The following ANK3 variants were observed in gnomAD, a reference collection of about 807,000 sequenced individuals.
ANK3 encodes ankyrin 3.
ANK3 carries 57 observed loss-of-function variants against 370.9 expected under a neutral mutation model. That is an observed-to-expected ratio of 0.15 (90% CI 0.12 to 0.19). The LOEUF is 0.19. ANK3 is among the 10% of genes least tolerant of loss of function. ANK3 has a pLI of 1.00. For missense variants in ANK3, 4,439 were observed against 5,302.1 expected, an observed-to-expected ratio of 0.84 and a Z score of 5.06; for synonymous variants, 1,929 against 1,946.3, an observed-to-expected ratio of 0.99 and a Z score of 0.23.
intron 1 of ANK3, among the ~76,000 whole-genome samples, chr10:60,377,165 C>T (rs2060898855): frequency 6.6e-6 from 1 of 152,172 alleles, no homozygotes; most frequent in African/African-American, 2.4e-5. Flanking sequence ...AGAGGGACAG[C>T]AGGTCCTTGC....
At chr10:60,545,544 G>C (rs2076944973) in intron 2 of ANK3, among the ~76,000 whole-genome samples, 1 of 151,422 alleles carries the variant, frequency 6.6e-6, no homozygotes, top group Non-Finnish European at 1.5e-5. Context: ...AAAAATTCTA[G>C]AAGCCTTCAA....
chr10:60,034,962 CT>C (rs1196444881), intron 43 of ANK3, among the ~76,000 whole-genome samples: 1 of 151,970 alleles, frequency 6.6e-6, no homozygotes, highest in African/African-American at 2.4e-5. Flanking sequence ...ATAAGTAGGG[CT>C]TTTTTGATTG....
intron 1 of ANK3, among the ~76,000 whole-genome samples, chr10:60,705,375 C>A (rs1369501477): frequency 6.6e-6 from 1 of 152,128 alleles, no homozygotes; most frequent in Non-Finnish European, 1.5e-5. Flanking sequence ...GTAACAGACA[C>A]TATATGATTT....
intron 1 of ANK3, among the ~76,000 whole-genome samples, chr10:60,640,072 G>T (rs569402270): frequency 6.6e-6 from 1 of 152,040 alleles, no homozygotes; most frequent in Non-Finnish European, 1.5e-5. Flanking sequence ...AAATTCATAT[G>T]AGAAAAGTAG....
chr10:60,615,170 T>G, intron 2 of ANK3: 5 of 1,479,046 alleles, frequency 3.4e-6, no homozygotes, highest in Non-Finnish European at 4.5e-6. Flanking sequence ...TTGAGTTTAG[T>G]GATAATTTTC....
At chr10:60,095,465 T>C (rs2089909987) in intron 28 of ANK3, among the ~76,000 whole-genome samples, 1 of 152,242 alleles carries the variant, frequency 6.6e-6, no homozygotes, top group South Asian at 2.1e-4. Context: ...ATTCCAGCCT[T>C]GAACTTCTGG....
At chr10:60,464,461 C>T (rs965663355) in intron 2 of ANK3, among the ~76,000 whole-genome samples, 2 of 152,028 alleles carry the variant, frequency 1.3e-5, no homozygotes, top group African/African-American at 4.8e-5. Context: ...TTCACAAAGC[C>T]TTGTCTGTGG....
chr10:60,362,523 T>G lies in ANK3; in HGVS notation c.114+26902A>C, dbSNP rs144745899. On this transcript the variant is annotated intron_variant, in intron 1 of 43. Transcript: ENST00000280772. ...AGCTTACTGTCCCAAATGAGAATAC[T>G]TCTATCGCACGTGAGCCTGCAGGGG... is the stretch of plus-strand genomic sequence containing the variant. 4.4e-3 allele frequency among the ~76,000 whole-genome samples: 669 copies of G among 152,308 alleles called. 4 individuals are homozygous for G. The highest frequency in any genetic ancestry group is 0.037 in the Middle Eastern group (11 of 294).
At chr10:60,273,499 C>A (rs918018215) in intron 4 of ANK3, among the ~76,000 whole-genome samples, 1 of 152,148 alleles carries the variant, frequency 6.6e-6, no homozygotes, top group Non-Finnish European at 1.5e-5. Context: ...TTAGTGATCA[C>A]TCCCCATTTC....
intron 1 of ANK3, among the ~76,000 whole-genome samples, chr10:60,726,827 A>T (rs887863452): frequency 4.6e-5 from 7 of 152,028 alleles, no homozygotes; most frequent in Non-Finnish European, 1.0e-4. Context: ...GTTTTTAAAA[A>T]CTTGTTTTCC....
rs143848101 is a variant in ANK3 at position 60,289,402 on chromosome 10, C to T, written c.115-9763G>A. ...TTCTCCCCTCCCCCTTTCTCTTTCT[C>T]TCTCCCTCCCTCCTTCTTTCTTTTT... On this transcript the variant is annotated intron_variant, in intron 1 of 43. Coordinates refer to ENST00000280772, the MANE Select transcript of ANK3 (RefSeq NM_020987.5). Among the ~76,000 whole-genome samples the T allele has an allele frequency of 4.1e-3, 625 of 151,098 alleles. 3 individuals carry two copies. The highest frequency in any genetic ancestry group is 6.6e-3 in the Non-Finnish European group (450 of 67,808).
chr10:60,312,511 A>G (rs987910110), intron 1 of ANK3, among the ~76,000 whole-genome samples: 2 of 152,142 alleles, frequency 1.3e-5, no homozygotes, highest in African/African-American at 2.4e-5. Context: ...CCTCTTACCT[A>G]TGGACATTGT....
At position 60,719,282 on chromosome 10, in the gene ANK3, TACAA is replaced by T. The variant is rs2079831288; in HGVS notation, c.57+13977_57+13980del. ...TAGTTTGTTTCTGGTCTTTTTGCTTTACAAACACTGTTGTAATAAGCATCCTTGT... is the reference window on the plus strand; with the variant it reads ...TAGTTTGTTTCTGGTCTTTTTGCTTTACACTGTTGTAATAAGCATCCTTGT... On this transcript the variant is annotated intron_variant, in intron 1 of 43. Coordinates refer to the ANK3 transcript ENST00000373827. Among the ~76,000 whole-genome samples the T allele has an allele frequency of 2.6e-5, 4 of 152,184 alleles. No homozygotes were observed. In the South Asian group the frequency reaches 8.3e-4, roughly 31 times the overall value.
chr10:60,416,657 G>A (rs1193392911), intron 2 of ANK3, among the ~76,000 whole-genome samples: 3 of 152,150 alleles, frequency 2.0e-5, no homozygotes, highest in Non-Finnish European at 4.4e-5. Flanking sequence ...CTATTTACAT[G>A]TATTAACATT....
rs991411680 is a variant in ANK3 at position 60,300,501 on chromosome 10, A to G, written c.115-20862T>C. 103 of 1,248,836 alleles carry G rather than the reference A, an allele frequency of 8.2e-5. No homozygotes were observed. The South Asian group carries it at 1.1e-3, about 13-fold the overall frequency. 77.4% of individuals were successfully genotyped at this position (1,248,836 alleles called of 1,614,324 possible). On this transcript the variant is annotated intron_variant, in intron 1 of 43. Coordinates refer to ENST00000280772, the MANE Select transcript of ANK3 (RefSeq NM_020987.5). ...AGGAGCTGGTCAGAAGCAACTAACT[A>G]GAGTATTTAAATGGAGGGTGGGCGG...
chr10:60,198,195 G>T, intron 14 of ANK3, 145 bp downstream of exon 14: 1 of 790,926 alleles, frequency 1.3e-6, no homozygotes, highest in Non-Finnish European at 2.0e-6. Flanking sequence ...TCCCACCACA[G>T]AGCTTTGCTG....
At chr10:60,289,259 C>T (rs1001440187) in intron 1 of ANK3, among the ~76,000 whole-genome samples, 7 of 142,474 alleles carry the variant, frequency 4.9e-5, no homozygotes, top group African/African-American at 1.6e-4. Flanking sequence ...TCATCTATGC[C>T]CTGCCTTTTT....
At chr10:60,244,907 C>T (rs919540755) in intron 7 of ANK3, among the ~76,000 whole-genome samples, 1 of 152,320 alleles carries the variant, frequency 6.6e-6, no homozygotes, top group South Asian at 2.1e-4. Context: ...CGGTGGCTCA[C>T]GCCTGTAATC....
chr10:60,437,951 C>A (rs2064199910), intron 2 of ANK3, among the ~76,000 whole-genome samples: 1 of 152,130 alleles, frequency 6.6e-6, no homozygotes, highest in South Asian at 2.1e-4. Flanking sequence ...CTCCAAAACT[C>A]TATGCTTTTA....
Sources: gnomAD v4.1 joint callset for allele counts (sites outside exome capture counted in the v4.1 genomes callset) on GRCh38, gnomAD v4.1.1 for gene constraint, MANE v1.5 for transcripts, NCBI Gene and HGNC (gene_info 2026-07-23, HGNC 2026-07-21) for gene names.